The following PBRM1 variants were observed in gnomAD, a reference collection of about 807,000 sequenced individuals.
The protein encoded by PBRM1 is protein polybromo-1.
A neutral mutation model predicts 194.5 loss-of-function variants in PBRM1; 27 were observed. The ratio of observed to expected loss-of-function variants is 0.14; its 90% CI spans 0.10 to 0.19. The LOEUF (loss-of-function observed/expected upper bound fraction) is 0.19, where lower values mean the gene tolerates loss of function less well. Ranked by LOEUF, PBRM1 falls within the 10% of genes least tolerant of loss-of-function variation. The probability of loss-of-function intolerance (pLI) is 1.00; values close to 1 mark genes in which losing one functional copy is unlikely to be tolerated. For synonymous variants in PBRM1, 655 were observed against 693.2 expected (o/e 0.94, Z 0.87); for missense variants, 1,466 against 2,077.2 (o/e 0.71, Z 5.72).
At chr3:52,650,293 G>A (rs1334179087) in intron 6 of PBRM1, among the ~76,000 whole-genome samples, 1 of 150,022 alleles carries the variant, frequency 6.7e-6, no homozygotes, top group South Asian at 2.1e-4. Context: ...AGTCCAAGAG[G>A]TGGAGGTTTG....
At chr3:52,658,377 G>T in intron 4 of PBRM1, 62 bp from the exon 6 acceptor site, 2 of 860,710 alleles carry the variant, frequency 2.3e-6, no homozygotes, top group South Asian at 1.5e-5. Flanking sequence ...ATATTACATA[G>T]CTTCTAAAAT....
intron 5 of PBRM1, among the ~76,000 whole-genome samples, chr3:52,657,810 G>A (rs1232009710): frequency 1.5e-5 from 2 of 136,436 alleles, no homozygotes; most frequent in African/African-American, 5.5e-5. Flanking sequence ...AATTTGAGAC[G>A]GAGTTTCGCT....
chr3:52,676,504 T>G (rs1261506881), intron 2 of PBRM1, among the ~76,000 whole-genome samples: 1 of 152,210 alleles, frequency 6.6e-6, no homozygotes, highest in Non-Finnish European at 1.5e-5. Context: ...CCTCCCACCA[T>G]GATTCTGAGG....
intron 3 of PBRM1, among the ~76,000 whole-genome samples, chr3:52,666,254 A>T (rs1490554595): frequency 1.3e-5 from 2 of 152,128 alleles, no homozygotes; most frequent in Non-Finnish European, 2.9e-5. Context: ...CATCTCTTAA[A>T]AATAAGGCCA....
chr3:52,619,647 T>A (rs940368727), intron 13 of PBRM1, among the ~76,000 whole-genome samples: 1 of 152,210 alleles, frequency 6.6e-6, no homozygotes, highest in African/African-American at 2.4e-5. Context: ...AAACTATATG[T>A]GGCTGTATAG....
downstream of PBRM1, chr3:52,547,347 T>A (rs1307151994): frequency 8.6e-6 from 2 of 233,026 alleles, no homozygotes; most frequent in Non-Finnish European, 1.7e-5. Flanking sequence ...ATTGAAAAAG[T>A]GCTTTTTCCC....
At chr3:52,670,597 G>A (rs1238539200) in intron 2 of PBRM1, among the ~76,000 whole-genome samples, 3 of 152,350 alleles carry the variant, frequency 2.0e-5, no homozygotes, top group East Asian at 3.9e-4. Flanking sequence ...TCAGAATAAT[G>A]AGAAACACTA....
chr3:52,644,605 G>C (rs138200462), intron 8 of PBRM1, 99 bp downstream of exon 9: 6 of 507,964 alleles, frequency 1.2e-5, no homozygotes, highest in African/African-American at 8.1e-5. Flanking sequence ...GGATGGTCTC[G>C]ATCTCTTGAC....
At chr3:52,554,647 C>T in intron 27 of PBRM1, 77 bp downstream of exon 29, 1 of 1,335,902 alleles carries the variant, frequency 7.5e-7, no homozygotes, top group Non-Finnish European at 1.0e-6. Context: ...ACGGGTGCCT[C>T]CTGGAACAAC....
chr3:52,668,722 A>G, intron 2 of PBRM1, 77 bp from the exon 4 acceptor site: 1 of 726,344 alleles, frequency 1.4e-6, no homozygotes, highest in Non-Finnish European at 2.1e-6. Flanking sequence ...TATTTATGGT[A>G]ATGTTCAACA....
chr3:52,635,985 TC>T (rs1194544997), intron 10 of PBRM1, among the ~76,000 whole-genome samples: 5 of 152,172 alleles, frequency 3.3e-5, no homozygotes, highest in Non-Finnish European at 7.3e-5. Context: ...TGCCTCAGCC[TC>T]CTGAGTAGCT....
intron 20 of PBRM1, among the ~76,000 whole-genome samples, chr3:52,583,925 G>A (rs148965470): frequency 2.6e-5 from 4 of 152,218 alleles, no homozygotes; most frequent in East Asian, 3.9e-4. Context: ...GATTACAGGC[G>A]TGTGACACTG....
intron 2 of PBRM1, 34 bp downstream of exon 3, chr3:52,678,466 C>T (rs1486257852): frequency 7.2e-7 from 1 of 1,379,764 alleles, no homozygotes; most frequent in Non-Finnish European, 1.0e-6. Context: ...TGGACCAAAT[C>T]CCCCGCAACT....
upstream of PBRM1, chr3:52,681,163 G>C (rs998380299): frequency 4.0e-5 from 6 of 151,532 alleles, no homozygotes; most frequent in South Asian, 2.1e-4. Flanking sequence ...TACGACACCA[G>C]CAGCTGAATG....
chr3:52,669,069 G>GT (rs2096897760), intron 2 of PBRM1, among the ~76,000 whole-genome samples: 1 of 152,108 alleles, frequency 6.6e-6, no homozygotes, highest in Admixed American at 6.6e-5. Context: ...TCTTTCTTCA[G>GT]TAAGTGACCA....
intron 15 of PBRM1, among the ~76,000 whole-genome samples, chr3:52,612,258 C>CATAAAAAAAAAAAAAAAAAAA (rs2094667351): frequency 4.2e-5 from 1 of 24,012 alleles, no homozygotes; most frequent in Non-Finnish European, 7.7e-5. Flanking sequence ...GATTCCGTCT[C>CATAAAAAAAAAAAAAAAAAAA]AAAAAAAAAA....
chr3:52,642,011 C>T (rs2153707020), exon 10 of PBRM1: 6 of 1,600,442 alleles, frequency 3.7e-6, no homozygotes, highest in Non-Finnish European at 5.1e-6. Context: ...ATTGTAATTG[C>T]TGATAAACGA....
At chr3:52,662,826 A>T (rs75951687) in intron 3 of PBRM1, among the ~76,000 whole-genome samples, 2 of 47,978 alleles carry the variant, frequency 4.2e-5, no homozygotes, top group Admixed American at 2.8e-4. Context: ...CTCTGTCTTA[A>T]AAAAAAAAAA....
intron 16 of PBRM1, among the ~76,000 whole-genome samples, chr3:52,606,894 G>A (rs534724442): frequency 6.6e-6 from 1 of 152,262 alleles, no homozygotes; most frequent in Non-Finnish European, 1.5e-5. Context: ...ACTGTTGATG[G>A]ACAAACTATT....
Sources: allele counts gnomAD v4.1 joint callset (sites outside exome capture counted in the v4.1 genomes callset), GRCh38; gene constraint gnomAD v4.1.1; transcripts MANE v1.5; gene names NCBI Gene and HGNC (gene_info 2026-07-23, HGNC 2026-07-21).